The following ACTN1 variants were observed in gnomAD, a reference collection of about 807,000 sequenced individuals.
The protein encoded by ACTN1 is actinin alpha 1, also known as alpha-actinin-1.
Under a neutral mutation model 119.6 loss-of-function variants are expected in ACTN1, and 30 were observed. The observed-to-expected ratio is 0.25, with a 90% confidence interval of 0.19 to 0.34. The LOEUF (loss-of-function observed/expected upper bound fraction) is 0.34, where lower values mean the gene tolerates loss of function less well. ACTN1 is among the 10% of genes least tolerant of loss of function. The pLI, the probability that ACTN1 is intolerant of heterozygous loss-of-function variation, is 1.00. For synonymous variants in ACTN1, 429 were observed against 472.6 expected, an observed-to-expected ratio of 0.91 and a Z score of 1.20; for missense variants, 764 against 1,223.4, an observed-to-expected ratio of 0.62 and a Z score of 5.60.
rs1349794768 is a variant in ACTN1 at position 68,950,477 on chromosome 14, T to TATATATATATATATATAC, written c.106-24806_106-24805insGTATATATATATATATAT. Among the ~76,000 whole-genome samples, 20 of 144,798 alleles carry TATATATATATATATATAC rather than the reference T, an allele frequency of 1.4e-4. 2 individuals carry two copies. Among genetic ancestry groups the TATATATATATATATATAC allele is most frequent in the African/African-American group, 5.7e-4 (20 of 34,902 alleles). 95.0% of individuals were successfully genotyped at this position (144,798 alleles called of 152,430 possible). A position where few individuals can be genotyped will look rare whatever the true frequency, so the allele number is the denominator to read the frequency against. ...ATGCGTGTGTGTATATATATATATA[T>TATATATATATATATATAC]AAATCAAACATATAAAATCTGTGGT... On this transcript the variant is annotated intron_variant, in intron 1 of 21. Transcript: ENST00000394419.
At chr14:68,953,877 C>A (rs2036259932) in intron 1 of ACTN1, among the ~76,000 whole-genome samples, 1 of 146,196 alleles carries the variant, frequency 6.8e-6, no homozygotes, top group Non-Finnish European at 1.5e-5. Flanking sequence ...CACAGCAAGA[C>A]TCTGTCTCAA....
At chr14:68,902,711 C>T in intron 7 of ACTN1, 149 bp from the exon 8 acceptor site, 3 of 658,150 alleles carry the variant, frequency 4.6e-6, no homozygotes, top group East Asian at 6.1e-5. Context: ...TCAACTTGCG[C>T]TTATGGGAAT....
chr14:68,968,494 A>C (rs2036774514), intron 1 of ACTN1, among the ~76,000 whole-genome samples: 1 of 152,266 alleles, frequency 6.6e-6, no homozygotes, highest in East Asian at 1.9e-4. Context: ...AAAGTTTTAA[A>C]ACAGGCACAA....
chr14:68,902,332 C>T (rs1164889828), intron 8 of ACTN1, 145 bp downstream of exon 8: 7 of 697,514 alleles, frequency 1.0e-5, no homozygotes, highest in African/African-American at 3.6e-5. Flanking sequence ...CAACACGCCA[C>T]TTCAGAACTA....
In ACTN1 at chr14:68,892,289, G is replaced by C. The variant is rs1473925457; in HGVS notation, c.856-6C>G. 1 of 1,607,734 alleles carries C rather than the reference G, an allele frequency of 6.2e-7. No homozygotes were observed. Among genetic ancestry groups the C allele is most frequent in the East Asian group, 2.2e-5 (1 of 44,844 alleles). On this transcript the variant is annotated splice_polypyrimidine_tract_variant and splice_region_variant and intron_variant, in intron 9 of 21. Transcript: ENST00000394419. Reference sequence around the variant, plus strand: ...CGGCGGATCCACTCCAACAGCTAGGGTGGGAAGGCGGTGGGGGCAGGAGGT... The same window carrying C: ...CGGCGGATCCACTCCAACAGCTAGGCTGGGAAGGCGGTGGGGGCAGGAGGT...
At position 68,979,090 on chromosome 14, in the gene ACTN1, C is replaced by A; in HGVS notation, c.-34G>T. 1 of 1,440,366 alleles carries A rather than the reference C, an allele frequency of 6.9e-7. No individual in the cohort carries two copies. The highest frequency in any genetic ancestry group is 9.6e-7 in the Non-Finnish European group (1 of 1,042,454). 89.2% of individuals were successfully genotyped at this position (1,440,366 alleles called of 1,614,324 possible). A position where few individuals can be genotyped will look rare whatever the true frequency, so the allele number is the denominator to read the frequency against. On this transcript the variant is annotated 5_prime_UTR_variant, in exon 1 of 22. Transcript: ENST00000394419. The stretch of plus-strand genomic sequence containing the variant: ...GCGCGTGCTAGGGTCTGGATTTCTT[C>A]CTCCACCTTCTCTCTGAGCAACGGC...
At chr14:68,910,083 T>A (rs917815184) in intron 4 of ACTN1, 41 bp from the exon 5 acceptor site, 2 of 1,559,172 alleles carry the variant, frequency 1.3e-6, no homozygotes, top group South Asian at 2.2e-5. Flanking sequence ...GAGGGCTGAC[T>A]CGGTGGAGGG....
intron 3 of ACTN1, 100 bp from the exon 4 acceptor site, chr14:68,912,342 CA>C: frequency 2.2e-6 from 2 of 907,564 alleles, no homozygotes; most frequent in Non-Finnish European, 3.6e-6. Flanking sequence ...CGCTAGGAAT[CA>C]AAAGACTCCA....
At chr14:68,903,731 C>T (rs1464516214) in intron 7 of ACTN1, among the ~76,000 whole-genome samples, 1 of 152,150 alleles carries the variant, frequency 6.6e-6, no homozygotes, top group Non-Finnish European at 1.5e-5. Context: ...GGACAAGACC[C>T]AGCCTGACCC....
In ACTN1 at chr14:68,909,484, C is replaced by T. The variant is rs568415364; in HGVS notation, c.516-88G>A. On this transcript the variant is annotated intron_variant, in intron 5 of 21. Coordinates refer to ENST00000394419, the MANE Select transcript of ACTN1 (RefSeq NM_001130004.2). The surrounding 1 kb of genome is among the most constrained non-coding windows in gnomAD (Gnocchi z 4.1). ...GGCAAAGCAGGGGCCTCCTAGACAC[C>T]AGAGAGATGAACACATAGAGCTTTC... 19 of 1,199,064 alleles carry T rather than the reference C, an allele frequency of 1.6e-5. No homozygotes were observed. In the South Asian group the frequency reaches 2.3e-4, roughly 14 times the overall value. The allele number at this position is 1,199,064 out of a possible 1,614,324, so 74.3% of individuals were successfully genotyped here.
At chr14:68,923,345 G>C (rs75870304) in intron 2 of ACTN1, among the ~76,000 whole-genome samples, 1,677 of 152,268 alleles carry the variant, frequency 0.011, 29 homozygotes, top group African/African-American at 0.038. Context: ...GGGCAGGTAG[G>C]GGGGTGGTGC....
intron 7 of ACTN1, 55 bp downstream of exon 7, chr14:68,904,600 C>A (rs963563603): frequency 1.3e-6 from 2 of 1,550,026 alleles, no homozygotes; most frequent in Non-Finnish European, 1.8e-6. Context: ...CCTTCTTAGC[C>A]GCTGAGTGGC....
rs534489277 is a variant in ACTN1 at position 68,953,616 on chromosome 14, C to T, written c.105+25336G>A. On this transcript the variant is annotated intron_variant, in intron 1 of 21. Transcript: ENST00000394419. ...ACAAGTGACCAGGCACGGTGGCTCACGCCTGTAATCCCAGCACTTTGGGAG... is the reference window on the plus strand; with the variant it reads ...ACAAGTGACCAGGCACGGTGGCTCATGCCTGTAATCCCAGCACTTTGGGAG... 1.3e-3 allele frequency among the ~76,000 whole-genome samples: 201 copies of T among 151,902 alleles called. 2 individuals are homozygous for T. Among genetic ancestry groups the T allele is most frequent in the Middle Eastern group, 0.01 (3 of 294 alleles).
intron 1 of ACTN1, among the ~76,000 whole-genome samples, chr14:68,928,006 T>C (rs2035016814): frequency 6.6e-6 from 1 of 152,090 alleles, no homozygotes; most frequent in East Asian, 1.9e-4. Flanking sequence ...CCTAAGGTTT[T>C]CTATTTCCTT....
intron 1 of ACTN1, among the ~76,000 whole-genome samples, chr14:68,929,010 G>C (rs370109651): frequency 6.6e-6 from 1 of 150,904 alleles, no homozygotes; most frequent in African/African-American, 2.5e-5. Flanking sequence ...TGGCACATTC[G>C]TGGGAGAGGG....
intron 1 of ACTN1, among the ~76,000 whole-genome samples, chr14:68,928,297 AAC>A (rs1185777076): frequency 6.6e-6 from 1 of 152,148 alleles, no homozygotes; most frequent in Admixed American, 6.5e-5. Flanking sequence ...TGGGAAACAA[AAC>A]ACACCTATGT....
At chr14:68,950,528 G>A (rs1425994353) in intron 1 of ACTN1, among the ~76,000 whole-genome samples, 2 of 148,948 alleles carry the variant, frequency 1.3e-5, no homozygotes, top group African/African-American at 2.6e-5. Flanking sequence ...TGTTACCTGT[G>A]GGGAGTTGTT....
At chr14:68,977,950 C>A in intron 1 of ACTN1, 1 of 455,998 alleles carries the variant, frequency 2.2e-6, no homozygotes, top group South Asian at 1.5e-5. Context: ...ACAGGCTCAC[C>A]GCGCAGGCAG....
intron 1 of ACTN1, among the ~76,000 whole-genome samples, chr14:68,973,148 G>A (rs903048898): frequency 6.6e-6 from 1 of 152,116 alleles, no homozygotes; most frequent in African/African-American, 2.4e-5. Flanking sequence ...GGGGGAGCCT[G>A]GGCAACCCTC....
Sources: gnomAD v4.1 joint callset for allele counts (sites outside exome capture counted in the v4.1 genomes callset) on GRCh38, gnomAD v4.1.1 for gene constraint, Gnocchi (gnomAD v3.1) non-coding constraint, MANE v1.5 for transcripts, NCBI Gene and HGNC (gene_info 2026-07-23, HGNC 2026-07-21) for gene names.